SPEG: variants seen among roughly 807,000 people sequenced by gnomAD.
SPEG encodes striated muscle enriched protein kinase, also known as striated muscle preferentially expressed protein kinase.
In SPEG, 114 loss-of-function variants were observed where a neutral mutation model predicts 300.4. That is an observed-to-expected ratio of 0.38 (90% confidence interval 0.33 to 0.44). The LOEUF (loss-of-function observed/expected upper bound fraction) is 0.44, where lower values mean the gene tolerates loss of function less well. Among genes scored for constraint, SPEG ranks in the 20% least tolerant of loss-of-function variants. The pLI, the probability that SPEG is intolerant of heterozygous loss-of-function variation, is 1.00. For synonymous variants in SPEG, 1,964 were observed against 2,018.9 expected (o/e 0.97, Z 0.73); for missense variants, 4,201 against 4,586.2 (o/e 0.92, Z 2.43).
chr2:219,461,088 C>G, intron 6 of SPEG: 1 of 910,208 alleles, frequency 1.1e-6, no homozygotes, highest in Non-Finnish European at 1.3e-6. Flanking sequence ...CTGTATTTGG[C>G]AGTCGGATAG....
At chr2:219,491,074 G>T in intron 38 of SPEG, 118 bp downstream of exon 38, 2 of 740,116 alleles carry the variant, frequency 2.7e-6, no homozygotes, top group South Asian at 1.8e-5. Context: ...CTGTATTCAA[G>T]CAATGAACGA....
chr2:219,483,039 G>A (rs1693005582), intron 29 of SPEG, 59 bp from the exon 30 acceptor site: 1 of 1,522,676 alleles, frequency 6.6e-7, no homozygotes, highest in Middle Eastern at 1.7e-4. Flanking sequence ...AGGTGGGCCT[G>A]GGGGGGACAA....
chr2:219,451,540 C>T lies in SPEG; in HGVS notation c.2258-85C>T, dbSNP rs1440463505. ...GGTGCTGAGAGGAGAGGTTTGGTCTCCTGTGTGGTGTGTGGGGTAGGAGTA... is the reference window on the plus strand; with the variant it reads ...GGTGCTGAGAGGAGAGGTTTGGTCTTCTGTGTGGTGTGTGGGGTAGGAGTA... On this transcript the variant is annotated intron_variant, in intron 5 of 40. Coordinates refer to ENST00000312358, the MANE Select transcript of SPEG (RefSeq NM_005876.5). This position sits in a 1 kb window ranked among gnomAD's most constrained non-coding sequence, Gnocchi z 6.4. 4.5e-6 allele frequency: 6 copies of T among 1,347,818 alleles called. No individual in the cohort carries two copies. In the East Asian group the frequency reaches 1.3e-4, roughly 29 times the overall value. 83.5% of individuals were successfully genotyped at this position (1,347,818 alleles called of 1,614,324 possible). A position where few individuals can be genotyped will look rare whatever the true frequency, so the allele number is the denominator to read the frequency against.
chr2:219,479,638 C>A lies in SPEG; in HGVS notation c.5086-145C>A. ...TCCGGTGCATATGGTAGCCTTGGAT[C>A]TTTGCAACCCCAAACCTGTTTCAGC... On this transcript the variant is annotated intron_variant, in intron 23 of 40. Transcript: ENST00000312358. The surrounding 1 kb of genome is among the most constrained non-coding windows in gnomAD (Gnocchi z 5.5). 2 of 715,184 alleles carry A rather than the reference C, an allele frequency of 2.8e-6. No homozygotes were observed. The highest frequency in any genetic ancestry group is 4.9e-6 in the Non-Finnish European group (2 of 406,860). 44.3% of individuals were successfully genotyped at this position (715,184 alleles called of 1,614,324 possible). A position where few individuals can be genotyped will look rare whatever the true frequency, so the allele number is the denominator to read the frequency against.
chr2:219,469,201 G>A lies in SPEG; in HGVS notation c.3537G>A (p.Gln1179=). ...KMPSIPEEPE[Q]GELERLSIPD... ...CATCCATTCCCGAGGAGCCAGAGCA[G>A]GGTGAGCTGGAGCGGCTGTCCATTC... Residue 1179 remains glutamine (Q), a synonymous_variant, in exon 13 of 41, where the codon CAG becomes CAA. Coordinates refer to ENST00000312358, the MANE Select transcript of SPEG (RefSeq NM_005876.5). 6.2e-7 allele frequency: 1 copy of A among 1,613,724 alleles called. No homozygotes were observed. The highest frequency in any genetic ancestry group is 8.5e-7 in the Non-Finnish European group (1 of 1,179,794).
Position 219,483,707 on chromosome 2 carries a change from G to T in SPEG, c.6244G>T (p.Gly2082Cys). The stretch of plus-strand genomic sequence containing the variant: ...GCTGCTGCGGGGAGGCCCCGAGGAT[G>T]GCAAGGTCAGCGGCCTCAGGGGTCC... ...QRLLRGGPED[G>C]KVSGLRGPLL... Residue 2082 changes from glycine (G) to cysteine (C), a missense_variant, in exon 30 of 41, where the codon GGC becomes TGC. Physicochemically the swap from Gly to Cys is radical, Grantham distance 159. Around this residue, in one of 4 missense-constraint regions of SPEG, gnomAD observed 1,578 missense variants for 1,506.0 expected, o/e 1.05. Transcript: ENST00000312358. The T allele has an allele frequency of 6.5e-7, 1 of 1,534,304 alleles. No homozygotes were observed. The highest frequency in any genetic ancestry group is 8.7e-7 in the Non-Finnish European group (1 of 1,146,862).
intron 18 of SPEG, among the ~76,000 whole-genome samples, chr2:219,474,949 A>T (rs776147006): frequency 2.6e-5 from 4 of 151,828 alleles, no homozygotes; most frequent in African/African-American, 4.8e-5. Context: ...CGCCCAGCAA[A>T]TTTTTTGTAT....
At chr2:219,492,418 G>A (rs1378465881) in intron 40 of SPEG, among the ~76,000 whole-genome samples, 158 bp downstream of exon 40, 2 of 152,192 alleles carry the variant, frequency 1.3e-5, no homozygotes, top group Non-Finnish European at 2.9e-5. Context: ...GCAGCCCCGT[G>A]CAAGGCAGAC....
chr2:219,473,395 C>G lies in SPEG; in HGVS notation c.4148-109C>G, dbSNP rs545898485. 1.8e-6 allele frequency: 2 copies of G among 1,108,432 alleles called. No homozygotes were observed. The highest frequency in any genetic ancestry group is 1.5e-5 in the African/African-American group (1 of 64,572). 68.7% of individuals were successfully genotyped at this position (1,108,432 alleles called of 1,614,324 possible). A position where few individuals can be genotyped will look rare whatever the true frequency, so the allele number is the denominator to read the frequency against. On this transcript the variant is annotated intron_variant, in intron 16 of 40. Coordinates refer to ENST00000312358, the MANE Select transcript of SPEG (RefSeq NM_005876.5). This position sits in a 1 kb window ranked among gnomAD's most constrained non-coding sequence, Gnocchi z 4.6. ...TAAACCTCTCTGAGCTTCAGCTTTC[C>G]CATCTGTAAAAACGGAACTCAAGTG... is the stretch of plus-strand genomic sequence containing the variant.
At position 219,488,797 on chromosome 2, in the gene SPEG, T is replaced by A; in HGVS notation, c.8046T>A (p.Ala2682=). The change falls in exon 34 of 41, where the codon GCT becomes GCA. Residue 2682 remains alanine, a synonymous_variant. Coordinates refer to ENST00000312358, the MANE Select transcript of SPEG (RefSeq NM_005876.5). ...VAVARVPGKL[A]PPEVPQTYQD... is the part of the protein sequence containing the mutation. ...TGCCAGGAGTCCCAGGAAAGCTAGC[T>A]CCTCCAGAGGTACCCCAGACCTACC... is the stretch of plus-strand genomic sequence containing the variant. 1 of 1,601,998 alleles carries A rather than the reference T, an allele frequency of 6.2e-7. No individual in the cohort carries two copies. The highest frequency in any genetic ancestry group is 1.1e-5 in the South Asian group (1 of 89,532).
rs113914657 is a variant in SPEG at position 219,459,430 on chromosome 2, C to T, written c.2441-2452C>T. 1.3e-5 allele frequency among the ~76,000 whole-genome samples: 2 copies of T among 152,182 alleles called. No homozygotes were observed. Among genetic ancestry groups the T allele is most frequent in the Non-Finnish European group, 2.9e-5 (2 of 68,026 alleles). ...GGAATCCTCGATCAGCTTCCTTGGT[C>T]ACTCACTTTTGGAGGTATGGAGGGG... On this transcript the variant is annotated intron_variant, in intron 6 of 40. Coordinates refer to ENST00000312358, the MANE Select transcript of SPEG (RefSeq NM_005876.5). This position sits in a 1 kb window ranked among gnomAD's most constrained non-coding sequence, Gnocchi z 4.9.
In SPEG at chr2:219,479,644, A is replaced by G; in HGVS notation, c.5086-139A>G. On this transcript the variant is annotated intron_variant, in intron 23 of 40. Coordinates refer to ENST00000312358, the MANE Select transcript of SPEG (RefSeq NM_005876.5). This position sits in a 1 kb window ranked among gnomAD's most constrained non-coding sequence, Gnocchi z 5.5. ...GCATATGGTAGCCTTGGATCTTTGC[A>G]ACCCCAAACCTGTTTCAGCCCCTTC... The G allele has an allele frequency of 1.3e-6, 1 of 741,688 alleles. No homozygotes were observed. The highest frequency in any genetic ancestry group is 2.3e-6 in the Non-Finnish European group (1 of 426,544). The allele number at this position is 741,688 out of a possible 1,614,324, so 45.9% of individuals were successfully genotyped here.
intron 15 of SPEG, 108 bp from the exon 16 acceptor site, chr2:219,472,782 C>A: frequency 1.2e-6 from 1 of 867,128 alleles, no homozygotes; most frequent in Non-Finnish European, 1.8e-6. Flanking sequence ...GAGACTGAGG[C>A]ACGTCATCAG....
chr2:219,486,538 G>A (rs1693439511), intron 31 of SPEG, among the ~76,000 whole-genome samples: 1 of 152,124 alleles, frequency 6.6e-6, no homozygotes, highest in Admixed American at 6.5e-5. Flanking sequence ...GAGAGTGAGG[G>A]GGAAAGAAAG....
chr2:219,449,913 C>T (rs1488011240), intron 4 of SPEG, among the ~76,000 whole-genome samples: 1 of 152,102 alleles, frequency 6.6e-6, no homozygotes, highest in Admixed American at 6.5e-5. Context: ...TGGATGATGA[C>T]CAACACCACC....
intron 9 of SPEG, chr2:219,466,344 A>G: frequency 1.4e-6 from 2 of 1,388,418 alleles, no homozygotes; most frequent in Non-Finnish European, 1.9e-6. Flanking sequence ...AGGGGTATCA[A>G]CCCCCCGAGT....
chr2:219,481,262 G>T lies in SPEG; in HGVS notation c.5370-42G>T. On this transcript the variant is annotated intron_variant, in intron 26 of 40. Coordinates refer to ENST00000312358, the MANE Select transcript of SPEG (RefSeq NM_005876.5). The surrounding 1 kb of genome is among the most constrained non-coding windows in gnomAD (Gnocchi z 5.4). ...TGTGCCCCCACTGACATTCCCCTTT[G>T]TCCCCGCCTGCCCCTCATGACAGCC... 1 of 1,599,504 alleles carries T rather than the reference G, an allele frequency of 6.3e-7. No individual in the cohort carries two copies.
Position 219,443,067 on chromosome 2 carries a change from A to T in SPEG, c.389-1586A>T, listed in dbSNP as rs1345440597. The T allele has an allele frequency of 3.1e-6, 5 of 1,588,586 alleles. No homozygotes were observed. The Admixed American group carries it at 8.4e-5, about 27-fold the overall frequency. ...GGGAGGCACAGGGACCTTAGGAACAAGCCTCCCCCTCAACTACTCATTCTG... is the reference window on the plus strand; with the variant it reads ...GGGAGGCACAGGGACCTTAGGAACATGCCTCCCCCTCAACTACTCATTCTG... On this transcript the variant is annotated intron_variant, in intron 1 of 40. Transcript: ENST00000312358. The surrounding 1 kb of genome is among the most constrained non-coding windows in gnomAD (Gnocchi z 4.6).
intron 40 of SPEG, 25 bp downstream of exon 40, chr2:219,492,285 C>T: frequency 1.2e-6 from 2 of 1,601,412 alleles, no homozygotes; most frequent in South Asian, 2.2e-5. Flanking sequence ...CACCTGCTAT[C>T]CCCCAGTGTT....
Sources: gnomAD v4.1 joint callset for allele counts (sites outside exome capture counted in the v4.1 genomes callset) on GRCh38, gnomAD v4.1.1 for gene constraint, gnomAD v4.1.1 regional missense constraint, Gnocchi (gnomAD v3.1) non-coding constraint, MANE v1.5 for transcripts, NCBI Gene and HGNC (gene_info 2026-07-23, HGNC 2026-07-21) for gene names.